The following SFMBT2 variants were observed in gnomAD, a reference collection of about 807,000 sequenced individuals.
SFMBT2 encodes the protein Scm like with four mbt domains 2, also known as scm-like with four MBT domains protein 2.
SFMBT2 carries 38 observed loss-of-function variants against 110.1 expected under a neutral mutation model. That is an observed-to-expected ratio of 0.35 (90% CI 0.27 to 0.45). SFMBT2 has a LOEUF of 0.45. SFMBT2 is among the 20% of genes least tolerant of loss of function. The pLI is 1.00. For missense variants in SFMBT2, 1,011 were observed against 1,094.9 expected (o/e 0.92, Z 1.08); for synonymous variants, 425 against 425.4 (o/e 1.00, Z 0.01).
chr10:7,353,826 C>T (rs560872932), intron 4 of SFMBT2, among the ~76,000 whole-genome samples: 43 of 152,252 alleles, frequency 2.8e-4, no homozygotes, highest in African/African-American at 9.6e-4. Flanking sequence ...TGGCTCATGC[C>T]TATAATCCCA....
At chr10:7,371,095 G>C (rs568254136) in intron 2 of SFMBT2, among the ~76,000 whole-genome samples, 1 of 152,092 alleles carries the variant, frequency 6.6e-6, no homozygotes, top group African/African-American at 2.4e-5. Context: ...TCTTAAAATC[G>C]TAACTATTTG....
intron 9 of SFMBT2, chr10:7,228,235 A>AT (rs1477245449): frequency 7.8e-6 from 2 of 257,654 alleles, no homozygotes; most frequent in Non-Finnish European, 1.2e-5. Flanking sequence ...CTGAGCCAGG[A>AT]TATGGCATAA....
intron 4 of SFMBT2, among the ~76,000 whole-genome samples, chr10:7,323,266 A>G (rs1181467027): frequency 2.0e-5 from 3 of 152,036 alleles, no homozygotes; most frequent in Non-Finnish European, 2.9e-5. Context: ...CATGACCAAT[A>G]TGGTGAAACT....
chr10:7,190,267 C>T (rs373408205), intron 15 of SFMBT2, among the ~76,000 whole-genome samples: 1 of 152,284 alleles, frequency 6.6e-6, no homozygotes, highest in East Asian at 1.9e-4. Flanking sequence ...TACAGAAACT[C>T]AGTTTAAAAA....
intron 1 of SFMBT2, among the ~76,000 whole-genome samples, chr10:7,401,216 T>G (rs578131624): frequency 6.6e-6 from 1 of 152,310 alleles, no homozygotes; most frequent in East Asian, 1.9e-4. Context: ...TTTACGCACT[T>G]GGGACCTTAA....
At chr10:7,395,680 A>G (rs950318397) in intron 1 of SFMBT2, among the ~76,000 whole-genome samples, 1 of 140,918 alleles carries the variant, frequency 7.1e-6, no homozygotes, top group African/African-American at 2.6e-5. Flanking sequence ...ATTGAGTTTT[A>G]CATTTTAATT....
intron 10 of SFMBT2, among the ~76,000 whole-genome samples, chr10:7,222,938 G>A (rs758571763): frequency 2.0e-5 from 3 of 152,172 alleles, no homozygotes; most frequent in Non-Finnish European, 2.9e-5. Context: ...TTACAGGTGT[G>A]AGCCACTGAG....
intron 9 of SFMBT2, among the ~76,000 whole-genome samples, chr10:7,242,913 T>C (rs1840480322): frequency 6.6e-6 from 1 of 152,222 alleles, no homozygotes; most frequent in African/African-American, 2.4e-5. Flanking sequence ...ATTTTCTTCT[T>C]CTTACTATAC....
intron 1 of SFMBT2, among the ~76,000 whole-genome samples, chr10:7,404,166 T>C (rs991904286): frequency 1.3e-5 from 2 of 152,230 alleles, no homozygotes; most frequent in Admixed American, 6.5e-5. Context: ...GGTAATTTCA[T>C]ATCAGATTAA....
At chr10:7,220,313 TA>T (rs1210009957) in intron 11 of SFMBT2, 97 bp downstream of exon 11, 28 of 878,292 alleles carry the variant, frequency 3.2e-5, no homozygotes, top group Middle Eastern at 3.5e-4. Flanking sequence ...GAAAGAGAAG[TA>T]AGGCCCCTTC....
chr10:7,406,314 C>A lies in SFMBT2; in HGVS notation c.-52+4547G>T, dbSNP rs146552162. 7.2e-5 allele frequency among the ~76,000 whole-genome samples: 11 copies of A among 151,742 alleles called. No individual in the cohort carries two copies. In the East Asian group the frequency reaches 2.1e-3, roughly 29 times the overall value. ...AAAATTTTTAGGCATAAGTGTAGGGCCTGGGGAGAGTAAATTTCCTTTACG... is the reference window on the plus strand; with the variant it reads ...AAAATTTTTAGGCATAAGTGTAGGGACTGGGGAGAGTAAATTTCCTTTACG... On this transcript the variant is annotated intron_variant, in intron 1 of 20. Transcript: ENST00000397167.
At chr10:7,397,801 C>T (rs1845968389) in intron 1 of SFMBT2, among the ~76,000 whole-genome samples, 1 of 152,192 alleles carries the variant, frequency 6.6e-6, no homozygotes, top group African/African-American at 2.4e-5. Context: ...TCAACGCGAG[C>T]TTTCTTCTAT....
intron 20 of SFMBT2, among the ~76,000 whole-genome samples, chr10:7,164,716 C>T (rs1459602878): frequency 6.7e-6 from 1 of 150,240 alleles, no homozygotes; most frequent in African/African-American, 2.5e-5. Context: ...GACAGATATG[C>T]CAACGACAGC....
chr10:7,250,535 G>A (rs1840772191), intron 7 of SFMBT2, among the ~76,000 whole-genome samples: 1 of 152,218 alleles, frequency 6.6e-6, no homozygotes, highest in South Asian at 2.1e-4. Flanking sequence ...TGTGAATAAT[G>A]CTGCAATGAA....
chr10:7,397,252 C>T (rs1400313802), intron 1 of SFMBT2, among the ~76,000 whole-genome samples: 2 of 152,104 alleles, frequency 1.3e-5, no homozygotes, highest in African/African-American at 4.8e-5. Flanking sequence ...TCAGACCTTC[C>T]AAACTGATCT....
intron 7 of SFMBT2, among the ~76,000 whole-genome samples, chr10:7,257,807 T>C (rs77567294): frequency 0.064 from 9,678 of 152,264 alleles, 416 homozygotes; most frequent in Admixed American, 0.089. Flanking sequence ...TCACATGATA[T>C]AAAATTGTGA....
chr10:7,232,244 A>T (rs1182951765), intron 9 of SFMBT2, among the ~76,000 whole-genome samples: 3 of 152,142 alleles, frequency 2.0e-5, no homozygotes, highest in Non-Finnish European at 1.5e-5. Context: ...AAACAGCTCT[A>T]TTTGCACACA....
At chr10:7,245,211 T>C (rs10905133) in intron 8 of SFMBT2, among the ~76,000 whole-genome samples, 30,533 of 152,018 alleles carry the variant, frequency 0.2, 3,886 homozygotes, top group South Asian at 0.38. Flanking sequence ...ACTAGATTTA[T>C]TTACTTATTG....
chr10:7,215,275 C>T (rs990264958), intron 11 of SFMBT2, among the ~76,000 whole-genome samples: 1 of 151,972 alleles, frequency 6.6e-6, no homozygotes, highest in African/African-American at 2.4e-5. Context: ...TGTGGTGGCA[C>T]GTGCCTGAAG....
Sources: allele counts gnomAD v4.1 joint callset (sites outside exome capture counted in the v4.1 genomes callset), GRCh38; gene constraint gnomAD v4.1.1; transcripts MANE v1.5; gene names NCBI Gene and HGNC (gene_info 2026-07-23, HGNC 2026-07-21).